The following ERVH48-1 variants were observed in gnomAD, a reference collection of about 807,000 sequenced individuals.
ERVH48-1 encodes endogenous retrovirus group 48 member 1, envelope.
Under a neutral mutation model 2.4 loss-of-function variants are expected in ERVH48-1, and 4 were observed. The observed-to-expected ratio is 1.68, with a 90% confidence interval of 0.83 to 3.84. The LOEUF is 3.84. Among genes scored for constraint, ERVH48-1 ranks in the 30% most tolerant of loss-of-function variants. ERVH48-1 has a pLI of 0.01. For missense variants in ERVH48-1, 97 were observed against 43.4 expected (o/e 2.23, Z -3.47); for synonymous variants, 32 against 15.5 (o/e 2.06, Z -2.49).
chr21:42,925,221 G>A (rs766474374), intron 1 of ERVH48-1, 125 bp downstream of exon 1: 6 of 236,296 alleles, frequency 2.5e-5, no homozygotes, highest in Middle Eastern at 1.4e-3. Context: ...CTGGGATTAC[G>A]GGCGTGAACC....
At chr21:42,919,719 G>T (rs1315535131) in intron 1 of ERVH48-1, among the ~76,000 whole-genome samples, 1 of 152,204 alleles carries the variant, frequency 6.6e-6, no homozygotes, top group African/African-American at 2.4e-5. Context: ...CCCGTTATCG[G>T]ACCGGATGGA....
At position 42,918,685 on chromosome 21, in the gene ERVH48-1, G is replaced by T. The variant is rs1160785604; in HGVS notation, c.322C>A (p.Gln108Lys). The stretch of plus-strand genomic sequence containing the variant: ...CCAATTTTGGTGAAGCAAAGCCACT[G>T]CTTCCCTCTGGGGCAAATAGCCCCA... ...RNGAICPRGK[Q>K]WLCFTKIGQW... Residue 108 changes from glutamine (Q) to lysine (K), a missense_variant, in exon 2 of 2, where the codon CAG becomes AAG. Coordinates refer to ENST00000447535, the MANE Select transcript of ERVH48-1 (RefSeq NM_001308491.2). The T allele has an allele frequency of 2.2e-6, 1 of 456,572 alleles. No individual in the cohort carries two copies. The highest frequency in any genetic ancestry group is 2.0e-5 in the African/African-American group (1 of 50,076). The allele number at this position is 456,572 out of a possible 1,614,324, so 28.3% of individuals were successfully genotyped here. A position where few individuals can be genotyped will look rare whatever the true frequency, so the allele number is the denominator to read the frequency against.
At position 42,916,899 on chromosome 21, in the gene ERVH48-1, G is replaced by C. The variant is rs1401435717; in HGVS notation, c.*1625C>G. ...GTGAGGATGGGGCAGGGGTTTTATA[G>C]TCCTCTGTAAACAGGAATTGTCCCA... On this transcript the variant is annotated 3_prime_UTR_variant, in exon 2 of 2. Transcript: ENST00000447535. 1 of 155,930 alleles carries C rather than the reference G, an allele frequency of 6.4e-6. No individual in the cohort carries two copies. Among genetic ancestry groups the C allele is most frequent in the African/African-American group, 2.4e-5 (1 of 41,474 alleles). 9.7% of individuals were successfully genotyped at this position (155,930 alleles called of 1,614,324 possible). A position where few individuals can be genotyped will look rare whatever the true frequency, so the allele number is the denominator to read the frequency against.
chr21:42,920,211 G>A (rs932041346), intron 1 of ERVH48-1, among the ~76,000 whole-genome samples: 3 of 152,272 alleles, frequency 2.0e-5, no homozygotes, highest in Non-Finnish European at 1.5e-5. Context: ...TTGACATACC[G>A]TGGTCCTTGT....
At chr21:42,922,416 G>C (rs1197624427) in intron 1 of ERVH48-1, among the ~76,000 whole-genome samples, 1 of 152,044 alleles carries the variant, frequency 6.6e-6, no homozygotes, top group East Asian at 1.9e-4. Context: ...CTGCCTAGGA[G>C]TGGAGTTGGG....
intron 1 of ERVH48-1, among the ~76,000 whole-genome samples, chr21:42,919,710 C>T (rs2058799852): frequency 6.6e-6 from 1 of 152,080 alleles, no homozygotes; most frequent in Non-Finnish European, 1.5e-5. Context: ...AAAGGCAGGC[C>T]CGTTATCGGA....
chr21:42,924,432 C>T (rs115510053), intron 1 of ERVH48-1, among the ~76,000 whole-genome samples: 464 of 152,068 alleles, frequency 3.1e-3, no homozygotes, highest in Non-Finnish European at 5.1e-3. Flanking sequence ...GGGAGGAGAA[C>T]GGCGATCAGG....
At chr21:42,924,848 C>G (rs12482137) in intron 1 of ERVH48-1, among the ~76,000 whole-genome samples, 10,148 of 152,082 alleles carry the variant, frequency 0.067, 373 homozygotes, top group East Asian at 0.13. Flanking sequence ...ATAAAAGGAG[C>G]GTTTGTCACC....
At chr21:42,921,439 A>C (rs1167914345) in intron 1 of ERVH48-1, among the ~76,000 whole-genome samples, 3 of 152,004 alleles carry the variant, frequency 2.0e-5, no homozygotes, top group Non-Finnish European at 2.9e-5. Context: ...GGACTGGAAG[A>C]GGGATATGTG....
At position 42,919,109 on chromosome 21, in the gene ERVH48-1, C is replaced by T. The variant is rs1371264123; in HGVS notation, c.-103G>A. On this transcript the variant is annotated 5_prime_UTR_variant, in exon 2 of 2. Transcript: ENST00000447535. Reference sequence around the variant, plus strand: ...GAAATTGGCCCAGACAAACACTTAGCTGTTAATGTTTTGGAGGAAGAAGCT... The same window carrying T: ...GAAATTGGCCCAGACAAACACTTAGTTGTTAATGTTTTGGAGGAAGAAGCT... 6.7e-6 allele frequency: 8 copies of T among 1,193,288 alleles called. No individual in the cohort carries two copies. Among genetic ancestry groups the T allele is most frequent in the Non-Finnish European group, 8.5e-6 (8 of 942,274 alleles). The allele number at this position is 1,193,288 out of a possible 1,614,324, so 73.9% of individuals were successfully genotyped here. A position where few individuals can be genotyped will look rare whatever the true frequency, so the allele number is the denominator to read the frequency against.
At chr21:42,920,773 G>C (rs561265970) in intron 1 of ERVH48-1, among the ~76,000 whole-genome samples, 2 of 152,306 alleles carry the variant, frequency 1.3e-5, no homozygotes, top group African/African-American at 4.8e-5. Flanking sequence ...TGTGGAAAAG[G>C]TAAGAAAAGT....
chr21:42,919,142 G>A lies in ERVH48-1; in HGVS notation c.-136C>T. 3.6e-6 allele frequency: 4 copies of A among 1,108,062 alleles called. No individual in the cohort carries two copies. In the South Asian group the frequency reaches 6.4e-5, roughly 18 times the overall value. 68.6% of individuals were successfully genotyped at this position (1,108,062 alleles called of 1,614,324 possible). On this transcript the variant is annotated 5_prime_UTR_variant, in exon 2 of 2. Coordinates refer to ENST00000447535, the MANE Select transcript of ERVH48-1 (RefSeq NM_001308491.2). ...GTTTTGGAGGAAGAAGCTGCCTTGG[G>A]GGTGAGCTTGACCCTGGTGCGATGG...
chr21:42,923,291 G>A (rs562272049), intron 1 of ERVH48-1, among the ~76,000 whole-genome samples: 2 of 152,356 alleles, frequency 1.3e-5, no homozygotes, highest in Admixed American at 6.5e-5. Context: ...TCCCGATGGC[G>A]GAGGCAAGCA....
intron 1 of ERVH48-1, among the ~76,000 whole-genome samples, chr21:42,921,360 C>T (rs1371648797): frequency 6.6e-6 from 1 of 151,876 alleles, no homozygotes; most frequent in African/African-American, 2.4e-5. Context: ...AGGAGGGAAC[C>T]CAGAGCCTGA....
At chr21:42,924,675 G>A (rs2058815793) in intron 1 of ERVH48-1, among the ~76,000 whole-genome samples, 1 of 152,156 alleles carries the variant, frequency 6.6e-6, no homozygotes, top group African/African-American at 2.4e-5. Flanking sequence ...AAAGAACAAG[G>A]TGCTTAGAGG....
At chr21:42,921,270 G>A (rs568839116) in intron 1 of ERVH48-1, among the ~76,000 whole-genome samples, 1 of 152,238 alleles carries the variant, frequency 6.6e-6, no homozygotes, top group South Asian at 2.1e-4. Flanking sequence ...AGAAAGGTTG[G>A]GTAATAGGCT....
At chr21:42,924,272 A>T (rs750534924) in intron 1 of ERVH48-1, among the ~76,000 whole-genome samples, 3 of 152,030 alleles carry the variant, frequency 2.0e-5, no homozygotes, top group Non-Finnish European at 4.4e-5. Flanking sequence ...ATGGTGTAGG[A>T]AAAGAAGTGG....
At chr21:42,923,814 C>T (rs1326480331) in intron 1 of ERVH48-1, among the ~76,000 whole-genome samples, 5 of 152,004 alleles carry the variant, frequency 3.3e-5, no homozygotes, top group Non-Finnish European at 5.9e-5. Context: ...CTGGGGTGAG[C>T]GTGGAAGAGA....
chr21:42,921,847 GAATCAGGGTGCAA>G (rs2058807032), intron 1 of ERVH48-1, among the ~76,000 whole-genome samples: 1 of 152,214 alleles, frequency 6.6e-6, no homozygotes, highest in South Asian at 2.1e-4. Context: ...GAGGTCTTGA[GAATCAGGGTGCAA>G]ATGAACTGTG....
Sources: gnomAD v4.1 joint callset for allele counts (sites outside exome capture counted in the v4.1 genomes callset) on GRCh38, gnomAD v4.1.1 for gene constraint, MANE v1.5 for transcripts, NCBI Gene and HGNC (gene_info 2026-07-23, HGNC 2026-07-21) for gene names.